IGSF9B: variants seen among roughly 807,000 people sequenced by gnomAD.
The protein encoded by IGSF9B is immunoglobulin superfamily member 9B, also known as protein turtle homolog B.
A neutral mutation model predicts 143.7 loss-of-function variants in IGSF9B; 48 were observed. The ratio of observed to expected loss-of-function variants is 0.33; its 90% CI spans 0.26 to 0.42. IGSF9B has a LOEUF of 0.42. IGSF9B is among the 20% of genes least tolerant of loss of function. The pLI, the probability that IGSF9B is intolerant of heterozygous loss-of-function variation, is 1.00. For missense variants in IGSF9B, 1,706 were observed against 1,980.0 expected, an observed-to-expected ratio of 0.86 and a Z score of 2.63; for synonymous variants, 903 against 833.1, an observed-to-expected ratio of 1.08 and a Z score of -1.44.
Position 133,904,500 on chromosome 11 carries a change from C to A in IGSF9B, c.*4569G>T, listed in dbSNP as rs1342409779. On this transcript the variant is annotated 3_prime_UTR_variant, in exon 20 of 20. Coordinates refer to ENST00000533871, the MANE Select transcript of IGSF9B (RefSeq NM_001277285.4). ...AGCAAGACCTCTCCCAAGATCCAGT[C>A]TGCGTTCACATGCAGGACCCCACCC... Among the ~76,000 whole-genome samples, 1 of 152,170 alleles carries A rather than the reference C, an allele frequency of 6.6e-6. No homozygotes were observed.
At position 133,901,128 on chromosome 11, in the gene IGSF9B, C is replaced by T. The variant is rs1939112255; in HGVS notation, c.*7941G>A. The T allele has an allele frequency of 6.6e-6, 1 of 152,230 alleles. No homozygotes were observed. The highest frequency in any genetic ancestry group is 6.5e-5 in the Admixed American group (1 of 15,286). 9.4% of individuals were successfully genotyped at this position (152,230 alleles called of 1,614,324 possible). The stretch of plus-strand genomic sequence containing the variant: ...ACACATTGGTCCTGGTTCTTTAGGG[C>T]TATCAGATCCTGCAGCTCCACACAA... On this transcript the variant is annotated 3_prime_UTR_variant, in exon 20 of 20. Coordinates refer to ENST00000533871, the MANE Select transcript of IGSF9B (RefSeq NM_001277285.4).
At position 133,901,889 on chromosome 11, in the gene IGSF9B, C is replaced by A. The variant is rs1320532932; in HGVS notation, c.*7180G>T. 1.4e-5 allele frequency among the ~76,000 whole-genome samples: 2 copies of A among 141,108 alleles called. No individual in the cohort carries two copies. The highest frequency in any genetic ancestry group is 2.1e-4 in the East Asian group (1 of 4,688). 92.6% of individuals were successfully genotyped at this position (141,108 alleles called of 152,430 possible). ...ACCACACACGCACCACACACACACACAACACACACACAACACACCACACAC... is the reference window on the plus strand; with the variant it reads ...ACCACACACGCACCACACACACACAAAACACACACACAACACACCACACAC... On this transcript the variant is annotated 3_prime_UTR_variant, in exon 20 of 20. Transcript: ENST00000533871.
At chr11:133,912,767 A>G (rs1342734348) in intron 18 of IGSF9B, among the ~76,000 whole-genome samples, 2 of 152,174 alleles carry the variant, frequency 1.3e-5, no homozygotes, top group African/African-American at 2.4e-5. Flanking sequence ...GAACCTCTGT[A>G]TTTTAGGATT....
intron 13 of IGSF9B, among the ~76,000 whole-genome samples, chr11:133,926,359 C>G (rs1939626669): frequency 6.6e-6 from 1 of 152,244 alleles, no homozygotes; most frequent in African/African-American, 2.4e-5. Context: ...GACTGCTGTC[C>G]ACCTTGGCGG....
At position 133,900,303 on chromosome 11, in the gene IGSF9B, T is replaced by A. The variant is rs1939098550; in HGVS notation, c.*8766A>T. 1 of 152,594 alleles carries A rather than the reference T, an allele frequency of 6.6e-6. No homozygotes were observed. Among genetic ancestry groups the A allele is most frequent in the Non-Finnish European group, 1.5e-5 (1 of 68,076 alleles). 9.5% of individuals were successfully genotyped at this position (152,594 alleles called of 1,614,324 possible). On this transcript the variant is annotated 3_prime_UTR_variant, in exon 20 of 20. Transcript: ENST00000533871. ...AGCCGAAAGGTTGCAGTCCTGAGTC[T>A]CTCCTCACTGCCTGCACCATCTGGC... is the stretch of plus-strand genomic sequence containing the variant.
At chr11:133,956,411 C>A (rs1940253636) in intron 1 of IGSF9B, among the ~76,000 whole-genome samples, 1 of 152,046 alleles carries the variant, frequency 6.6e-6, no homozygotes, top group African/African-American at 2.4e-5. Flanking sequence ...CCGTGGTGGG[C>A]GAAGTCGACC....
At chr11:133,922,126 T>C (rs596430) in intron 17 of IGSF9B, 51 bp downstream of exon 17, 1,267,304 of 1,521,886 alleles carry the variant, frequency 0.83, 529,791 homozygotes, top group East Asian at 0.88. Context: ...GGTCTACCTA[T>C]GCGCCCCCTG....
chr11:133,950,458 G>A (rs1054471049), intron 1 of IGSF9B, among the ~76,000 whole-genome samples: 6 of 152,184 alleles, frequency 3.9e-5, no homozygotes, highest in Non-Finnish European at 8.8e-5. Context: ...GGGGAGTTGC[G>A]CCGCTCACCC....
rs891747250 is a variant in IGSF9B, at chr11:133,929,342, G to A, written c.1631+329C>T. Among the ~76,000 whole-genome samples the A allele has an allele frequency of 3.3e-5, 5 of 152,214 alleles. No homozygotes were observed. In the South Asian group the frequency reaches 1.0e-3, roughly 32 times the overall value. On this transcript the variant is annotated intron_variant, in intron 12 of 19. Transcript: ENST00000533871. The stretch of plus-strand genomic sequence containing the variant: ...GGCTGGGCAATTTCACAAAGCCCTT[G>A]AAGGGCAGGAGTCTCTTCCAGGCTC...
chr11:133,936,339 T>C, intron 5 of IGSF9B, 145 bp from the exon 6 acceptor site: 1 of 723,018 alleles, frequency 1.4e-6, no homozygotes, highest in Non-Finnish European at 2.3e-6. Flanking sequence ...TTCCAGATGC[T>C]ATCTGTGCTC....
At position 133,902,391 on chromosome 11, in the gene IGSF9B, CAA is replaced by C. The variant is rs1939149128; in HGVS notation, c.*6676_*6677del. ...GACACACCACACACAACACACCACA[CAA>C]TACGCACAACACATACCACACACAA... On this transcript the variant is annotated 3_prime_UTR_variant, in exon 20 of 20. Transcript: ENST00000533871. Among the ~76,000 whole-genome samples the C allele has an allele frequency of 7.1e-6, 1 of 141,256 alleles. No homozygotes were observed. The highest frequency in any genetic ancestry group is 2.6e-5 in the African/African-American group (1 of 39,004). The allele number at this position is 141,256 out of a possible 152,430, so 92.7% of individuals were successfully genotyped here. A position where few individuals can be genotyped will look rare whatever the true frequency, so the allele number is the denominator to read the frequency against.
intron 1 of IGSF9B, among the ~76,000 whole-genome samples, chr11:133,952,722 T>TGCACACATGCAGGGGC (rs1940184557): frequency 1.3e-5 from 2 of 151,892 alleles, no homozygotes; most frequent in South Asian, 4.1e-4. Context: ...GGCACATATA[T>TGCACACATGCAGGGGC]GCACACATGC....
chr11:133,922,690 C>T lies in IGSF9B; in HGVS notation c.2160G>A (p.Ala720=), dbSNP rs767649861. ...PQPDLTEDGL[A]RPVLAGIVAT... The stretch of plus-strand genomic sequence containing the variant: ...CTACGATTCCCGCCAGCACAGGCCG[C>T]GCCAGCCCATCCTCGGTCAGGTCCG... Residue 720 remains alanine (A), a synonymous_variant, in exon 16 of 20, where the codon GCG becomes GCA. Coordinates refer to ENST00000533871, the MANE Select transcript of IGSF9B (RefSeq NM_001277285.4). The T allele has an allele frequency of 9.4e-6, 15 of 1,587,360 alleles. No individual in the cohort carries two copies. The highest frequency in any genetic ancestry group is 3.5e-5 in the South Asian group (3 of 86,950).
chr11:133,922,522 A>C (rs1939559756), intron 16 of IGSF9B, 47 bp downstream of exon 16: 1 of 1,579,512 alleles, frequency 6.3e-7, no homozygotes, highest in Non-Finnish European at 8.7e-7. Context: ...GATGGGGGGC[A>C]TTTGAAACCG....
chr11:133,920,820 A>G lies in IGSF9B; in HGVS notation c.2905T>C (p.Tyr969His). The G allele has an allele frequency of 6.2e-7, 1 of 1,602,440 alleles. No individual in the cohort carries two copies. Among genetic ancestry groups the G allele is most frequent in the Non-Finnish European group, 8.5e-7 (1 of 1,174,064 alleles). ...RPFHHGQYYG[Y>H]LSSSSPGEVE... ...TCCCCAGGGCTGCTGCTGCTGAGGT[A>G]CCCATAATACTGGCCATGGTGGAAG... The change falls in exon 18 of 20, where the codon TAC becomes CAC. Residue 969 changes from tyrosine (Y) to histidine (H), a missense_variant. Coordinates refer to ENST00000533871, the MANE Select transcript of IGSF9B (RefSeq NM_001277285.4).
chr11:133,935,253 C>T (rs954893214), intron 7 of IGSF9B, among the ~76,000 whole-genome samples: 1 of 152,212 alleles, frequency 6.6e-6, no homozygotes, highest in African/African-American at 2.4e-5. Flanking sequence ...CCATAAGACA[C>T]CTGAGAAAAG....
chr11:133,923,965 C>CT (rs1301080945), intron 15 of IGSF9B, among the ~76,000 whole-genome samples: 19 of 150,038 alleles, frequency 1.3e-4, no homozygotes, highest in Admixed American at 2.7e-4. Context: ...AGGACACAAC[C>CT]TTTTTTTTTT....
intron 15 of IGSF9B, 130 bp from the exon 16 acceptor site, chr11:133,922,860 G>A: frequency 1.2e-6 from 1 of 814,954 alleles, no homozygotes; most frequent in African/African-American, 1.7e-5. Context: ...GCTCCAAGCT[G>A]AACTCTAGCA....
At chr11:133,941,159 A>C (rs1402469668) in intron 3 of IGSF9B, among the ~76,000 whole-genome samples, 3 of 152,226 alleles carry the variant, frequency 2.0e-5, no homozygotes, top group Non-Finnish European at 2.9e-5. Context: ...CTTGACTGTC[A>C]ATTATTTACG....
Sources: allele counts gnomAD v4.1 joint callset (sites outside exome capture counted in the v4.1 genomes callset), GRCh38; gene constraint gnomAD v4.1.1; transcripts MANE v1.5; gene names NCBI Gene and HGNC (gene_info 2026-07-23, HGNC 2026-07-21).